The following NFIC variants were observed in gnomAD, a reference collection of about 807,000 sequenced individuals.
NFIC encodes nuclear factor 1 C-type.
In NFIC, 12 loss-of-function variants were observed where a neutral mutation model predicts 54.4. That is an observed-to-expected ratio of 0.22 (90% CI 0.14 to 0.36). The LOEUF (loss-of-function observed/expected upper bound fraction) is 0.36. NFIC is among the 10% of genes least tolerant of loss of function. The pLI is 1.00. For synonymous variants in NFIC, 322 were observed against 319.2 expected, an observed-to-expected ratio of 1.01 and a Z score of -0.09; for missense variants, 575 against 718.2, an observed-to-expected ratio of 0.80 and a Z score of 2.28.
chr19:3,454,167 C>G (rs1265367361), intron 9 of NFIC: 2 of 1,266,264 alleles, frequency 1.6e-6, no homozygotes, highest in Non-Finnish European at 2.0e-6. Flanking sequence ...GCCGAGTCAC[C>G]TGGGGGACCC....
rs1302940426 is a variant in NFIC at position 3,458,298 on chromosome 19, C to A, written c.1509+1663C>A. On this transcript the variant is annotated intron_variant, in intron 10 of 10. Coordinates refer to ENST00000443272, the MANE Select transcript of NFIC (RefSeq NM_001245002.2). The surrounding 1 kb of genome is among the most constrained non-coding windows in gnomAD (Gnocchi z 4.1). ...AGCCCGGCATTACCTCTGCCACCCC[C>A]ACCCCACATCGCTCCCTGCCCCTGC... Among the ~76,000 whole-genome samples the A allele has an allele frequency of 6.6e-6, 1 of 152,314 alleles. No individual in the cohort carries two copies. The highest frequency in any genetic ancestry group is 2.1e-4 in the South Asian group (1 of 4,828).
chr19:3,380,804 G>GT (rs1365651053), intron 1 of NFIC, among the ~76,000 whole-genome samples: 2 of 151,670 alleles, frequency 1.3e-5, no homozygotes, highest in African/African-American at 2.4e-5. Context: ...GCTAATTTTT[G>GT]TTTTTTTGAT....
intron 6 of NFIC, among the ~76,000 whole-genome samples, chr19:3,447,748 G>T (rs1599710444): frequency 6.6e-6 from 1 of 152,194 alleles, no homozygotes; most frequent in African/African-American, 2.4e-5. Flanking sequence ...ACCCCAGGTC[G>T]CACAGCCTCA....
chr19:3,456,924 T>C (rs1019868776), intron 10 of NFIC: 16 of 482,822 alleles, frequency 3.3e-5, no homozygotes, highest in Non-Finnish European at 5.4e-5. Context: ...ACCAGTGTCA[T>C]TACCACCTGC....
intron 2 of NFIC, chr19:3,410,459 T>C (rs552047102): frequency 2.0e-5 from 3 of 152,388 alleles, no homozygotes; most frequent in South Asian, 2.1e-4. Context: ...GCAAAGGCCC[T>C]GAGGCAGGAC....
At chr19:3,383,244 G>T (rs1367169737) in intron 2 of NFIC, among the ~76,000 whole-genome samples, 2 of 152,178 alleles carry the variant, frequency 1.3e-5, no homozygotes, top group African/African-American at 4.8e-5. Flanking sequence ...CTGCCAGAGG[G>T]GTGTTTGCCG....
chr19:3,463,079 C>A lies in NFIC; in HGVS notation c.*310C>A, dbSNP rs147192339. On this transcript the variant is annotated 3_prime_UTR_variant, in exon 11 of 11. Coordinates refer to ENST00000443272, the MANE Select transcript of NFIC (RefSeq NM_001245002.2). ...CTGGAGGGCCAGGCCCCGCCACCCCCACGGGAGACCCGGGACAGGGCGTCT... is the reference window on the plus strand; with the variant it reads ...CTGGAGGGCCAGGCCCCGCCACCCCAACGGGAGACCCGGGACAGGGCGTCT... 107 of 1,306,492 alleles carry A rather than the reference C, an allele frequency of 8.2e-5. No homozygotes were observed. The highest frequency in any genetic ancestry group is 8.1e-4 in the Admixed American group (21 of 25,828). 80.9% of individuals were successfully genotyped at this position (1,306,492 alleles called of 1,614,324 possible). A position where few individuals can be genotyped will look rare whatever the true frequency, so the allele number is the denominator to read the frequency against.
Position 3,468,705 on chromosome 19 carries a change from A to G in NFIC, c.*5936A>G, listed in dbSNP as rs1313295287. 2 of 145,636 alleles carry G rather than the reference A, an allele frequency of 1.4e-5. No individual in the cohort carries two copies. Among genetic ancestry groups the G allele is most frequent in the Non-Finnish European group, 3.0e-5 (2 of 65,754 alleles). The allele number at this position is 145,636 out of a possible 1,614,324, so 9.0% of individuals were successfully genotyped here. On this transcript the variant is annotated 3_prime_UTR_variant, in exon 11 of 11. Coordinates refer to ENST00000443272, the MANE Select transcript of NFIC (RefSeq NM_001245002.2). ...CTTTTCCTTTCCTTTTCCCTTTGAG[A>G]TTTTTTTGTTGTTGTTTCCTTTTTG...
intron 2 of NFIC, among the ~76,000 whole-genome samples, chr19:3,408,087 C>T (rs976713969): frequency 2.0e-5 from 3 of 151,992 alleles, no homozygotes; most frequent in Non-Finnish European, 4.4e-5. Context: ...ACGTGGCAGC[C>T]GGCAGAGCCA....
chr19:3,412,615 C>G (rs554723807), intron 2 of NFIC, among the ~76,000 whole-genome samples: 1 of 152,256 alleles, frequency 6.6e-6, no homozygotes, highest in African/African-American at 2.4e-5. Flanking sequence ...CCACATCCCT[C>G]TCTGTGTGAT....
At chr19:3,430,981 A>C (rs931851333) in intron 3 of NFIC, among the ~76,000 whole-genome samples, 6 of 151,586 alleles carry the variant, frequency 4.0e-5, no homozygotes, top group Non-Finnish European at 4.4e-5. Context: ...GGCATCACAC[A>C]CTGTGTGGCC....
At chr19:3,455,927 C>A (rs919478865) in intron 9 of NFIC, among the ~76,000 whole-genome samples, 2 of 152,110 alleles carry the variant, frequency 1.3e-5, no homozygotes, top group Non-Finnish European at 2.9e-5. Flanking sequence ...GCCTCCAGCT[C>A]CCCCCAACCC....
At position 3,440,853 on chromosome 19, in the gene NFIC, A is replaced by G. The variant is rs141500050; in HGVS notation, c.958+5646A>G. Among the ~76,000 whole-genome samples the G allele has an allele frequency of 1.2e-3, 181 of 152,214 alleles. 2 individuals carry two copies. The South Asian group carries it at 0.027, about 23-fold the overall frequency. ...TTTTGTTTTGTTTTGTTTTTCCCAA[A>G]TAGTGACTTGCTCTGTCGCCCAGGA... On this transcript the variant is annotated intron_variant, in intron 6 of 10. Transcript: ENST00000443272.
intron 1 of NFIC, 120 bp downstream of exon 1, chr19:3,366,786 C>T: frequency 3.0e-6 from 2 of 668,138 alleles, no homozygotes; most frequent in Non-Finnish European, 4.5e-6. Flanking sequence ...CATCCCTGCC[C>T]GGGATGCCCC....
chr19:3,373,206 C>A (rs559058805), intron 1 of NFIC, among the ~76,000 whole-genome samples: 111 of 152,340 alleles, frequency 7.3e-4, no homozygotes, highest in Non-Finnish European at 1.3e-3. Context: ...CACAGCCTCG[C>A]TCCCTGCCTC....
At chr19:3,364,606 C>T (rs979769796), upstream of NFIC, among the ~76,000 whole-genome samples, 12 of 152,150 alleles carry the variant, frequency 7.9e-5, no homozygotes, top group African/African-American at 2.7e-4. Flanking sequence ...TCCAACCTTC[C>T]CCACCTCCCA....
rs1482057172 is a variant in NFIC, at chr19:3,464,713, TCGC to T, written c.*1945_*1947del. 8.1e-6 allele frequency: 8 copies of T among 984,386 alleles called. No homozygotes were observed. The highest frequency in any genetic ancestry group is 9.6e-6 in the Non-Finnish European group (8 of 829,936). The allele number at this position is 984,386 out of a possible 1,614,324, so 61.0% of individuals were successfully genotyped here. A position where few individuals can be genotyped will look rare whatever the true frequency, so the allele number is the denominator to read the frequency against. On this transcript the variant is annotated 3_prime_UTR_variant, in exon 11 of 11. Transcript: ENST00000443272. ...AGCCTCAGGAGCTTGGCGAACCCGC[TCGC>T]TCCTAAAGAGAAAGACCCAGGACCC...
intron 2 of NFIC, among the ~76,000 whole-genome samples, chr19:3,401,488 G>T (rs1485679590): frequency 6.6e-6 from 1 of 152,186 alleles, no homozygotes; most frequent in Non-Finnish European, 1.5e-5. Context: ...TCTGAGGCTG[G>T]CCCTTGCTCT....
At chr19:3,408,460 G>A (rs2081693131) in intron 2 of NFIC, among the ~76,000 whole-genome samples, 2 of 150,534 alleles carry the variant, frequency 1.3e-5, no homozygotes, top group East Asian at 2.0e-4. Context: ...TTTTTTTCTT[G>A]AGACAGGGTT....
Sources: gnomAD v4.1 joint callset for allele counts (sites outside exome capture counted in the v4.1 genomes callset) on GRCh38, gnomAD v4.1.1 for gene constraint, Gnocchi (gnomAD v3.1) non-coding constraint, MANE v1.5 for transcripts, NCBI Gene and HGNC (gene_info 2026-07-23, HGNC 2026-07-21) for gene names.